Variants in TAB2 observed in about 807,000 individuals in gnomAD.
TAB2 encodes TGF-beta activated kinase 1 (MAP3K7) binding protein 2.
In TAB2, 3 loss-of-function variants were observed where a neutral mutation model predicts 65.0. That is an observed-to-expected ratio of 0.05 (90% CI 0.02 to 0.12). The LOEUF is 0.12. Ranked by LOEUF, TAB2 falls within the 10% of genes least tolerant of loss-of-function variation. The pLI is 1.00. For missense variants in TAB2, 623 were observed against 840.3 expected (o/e 0.74, Z 3.20); for synonymous variants, 298 against 285.1 (o/e 1.05, Z -0.46).
chr6:149,340,333 A>G (rs1300085707), intron 1 of TAB2, among the ~76,000 whole-genome samples: 1 of 152,224 alleles, frequency 6.6e-6, no homozygotes, highest in Non-Finnish European at 1.5e-5. Flanking sequence ...CCGGAAAAGA[A>G]GTTTTCAGAA....
In TAB2 at chr6:149,379,012, C is replaced by T. The variant is rs1395861852; in HGVS notation, c.1097C>T (p.Thr366Ile). The stretch of plus-strand genomic sequence containing the variant: ...CAGACCTTAAACAGAAATCAGCCCA[C>T]TGTTTACATAGCTGCCAGCCCCCCA... ...NSQTLNRNQP[T>I]VYIAASPPNT... The change falls in exon 3 of 7, where the codon ACT becomes ATT. Residue 366 changes from threonine (T) to isoleucine (I), a missense_variant. By Grantham distance (89) the Thr-to-Ile change is moderately conservative. This residue lies in a region of TAB2 where 550 missense variants were observed against 665.7 expected (regional missense o/e 0.83). Coordinates refer to ENST00000637181, the MANE Select transcript of TAB2 (RefSeq NM_001292034.3). 6.2e-7 allele frequency: 1 copy of T among 1,614,218 alleles called. No individual in the cohort carries two copies. Among genetic ancestry groups the T allele is most frequent in the South Asian group, 1.1e-5 (1 of 91,090 alleles).
intron 1 of TAB2, among the ~76,000 whole-genome samples, chr6:149,336,826 G>A (rs1287937175): frequency 6.6e-6 from 1 of 152,020 alleles, no homozygotes; most frequent in South Asian, 2.1e-4. Flanking sequence ...GGGGACTGCT[G>A]GGAAATAGAA....
At chr6:149,342,029 A>G (rs1780146418) in intron 1 of TAB2, among the ~76,000 whole-genome samples, 2 of 111,260 alleles carry the variant, frequency 1.8e-5, no homozygotes, top group Admixed American at 1.1e-4. Context: ...TTTGTTTTAT[A>G]TGGCCCTAAC....
At chr6:149,310,619 G>T (rs2114711710) in intron 1 of TAB2, among the ~76,000 whole-genome samples, 1 of 151,854 alleles carries the variant, frequency 6.6e-6, no homozygotes, top group Middle Eastern at 3.4e-3. Context: ...GAAGTCTTTT[G>T]TATGTTGATT....
chr6:149,401,195 T>G (rs1782396581), intron 6 of TAB2: 1 of 166,488 alleles, frequency 6.0e-6, no homozygotes, highest in Non-Finnish European at 1.5e-5. Context: ...GATAAATTAC[T>G]CTAAAAAAAA....
chr6:149,240,508 T>A (rs574175464), intron 1 of TAB2, among the ~76,000 whole-genome samples: 1 of 152,162 alleles, frequency 6.6e-6, no homozygotes, highest in African/African-American at 2.4e-5. Flanking sequence ...TAAGGTCAGG[T>A]GGATCAGAAT....
chr6:149,404,144 A>G (rs1259026629), intron 6 of TAB2, among the ~76,000 whole-genome samples: 1 of 152,208 alleles, frequency 6.6e-6, no homozygotes, highest in Non-Finnish European at 1.5e-5. Flanking sequence ...AGACACAAAA[A>G]CAATGTACAG....
At chr6:149,332,079 G>A (rs558565910) in intron 1 of TAB2, among the ~76,000 whole-genome samples, 3 of 152,098 alleles carry the variant, frequency 2.0e-5, no homozygotes, top group South Asian at 2.1e-4. Flanking sequence ...GATTTTTGGC[G>A]CAAGCAATTG....
rs1290211598 is a variant in TAB2, at chr6:149,411,231, GATA to G, written c.*1516_*1518del. 1.3e-5 allele frequency: 2 copies of G among 152,596 alleles called. No homozygotes were observed. Among genetic ancestry groups the G allele is most frequent in the South Asian group, 4.1e-4 (2 of 4,830 alleles). 9.5% of individuals were successfully genotyped at this position (152,596 alleles called of 1,614,324 possible). Reference sequence around the variant, plus strand: ...TGCTGAAATAGAGCAAAGGATGGAAGATAATATAGACTACCACCCACTGTAAAT... The same window carrying G: ...TGCTGAAATAGAGCAAAGGATGGAAGATATAGACTACCACCCACTGTAAAT... On this transcript the variant is annotated 3_prime_UTR_variant, in exon 7 of 7. Coordinates refer to ENST00000637181, the MANE Select transcript of TAB2 (RefSeq NM_001292034.3).
intron 1 of TAB2, among the ~76,000 whole-genome samples, chr6:149,320,746 T>G (rs1779424840): frequency 4.6e-5 from 7 of 152,324 alleles, no homozygotes; most frequent in Admixed American, 4.6e-4. Flanking sequence ...TTTTGCCTTG[T>G]TATAGATATT....
chr6:149,258,915 G>A (rs1295122228), intron 1 of TAB2, among the ~76,000 whole-genome samples: 1 of 152,214 alleles, frequency 6.6e-6, no homozygotes, highest in Non-Finnish European at 1.5e-5. Context: ...TGGTGTCAGA[G>A]TTATGGGATG....
At chr6:149,394,135 T>C (rs766276754) in intron 3 of TAB2, among the ~76,000 whole-genome samples, 1 of 152,192 alleles carries the variant, frequency 6.6e-6, no homozygotes, top group African/African-American at 2.4e-5. Context: ...TTCACTTGTT[T>C]CTTGGTGTGT....
chr6:149,350,742 G>C (rs1780463875), intron 1 of TAB2, among the ~76,000 whole-genome samples: 1 of 150,216 alleles, frequency 6.7e-6, no homozygotes, highest in East Asian at 2.0e-4. Flanking sequence ...AGCCTCCTGA[G>C]TAGCTGGGAC....
At chr6:149,393,419 A>G (rs1782061343) in intron 3 of TAB2, among the ~76,000 whole-genome samples, 1 of 152,206 alleles carries the variant, frequency 6.6e-6, no homozygotes, top group Non-Finnish European at 1.5e-5. Flanking sequence ...GTGAATTTCT[A>G]AGGATGCAAT....
intron 1 of TAB2, among the ~76,000 whole-genome samples, chr6:149,236,630 A>T (rs1301247366): frequency 3.3e-5 from 5 of 152,218 alleles, no homozygotes; most frequent in African/African-American, 1.2e-4. Context: ...AGTAATAGGA[A>T]TGTCTACCTT....
At chr6:149,392,815 G>C (rs978992774) in intron 3 of TAB2, among the ~76,000 whole-genome samples, 3 of 152,158 alleles carry the variant, frequency 2.0e-5, no homozygotes, top group Non-Finnish European at 4.4e-5. Context: ...AGGCTAATTA[G>C]AGCAAAAGTG....
At chr6:149,388,690 G>A (rs905226912) in intron 3 of TAB2, among the ~76,000 whole-genome samples, 6 of 151,938 alleles carry the variant, frequency 3.9e-5, no homozygotes, top group Admixed American at 1.3e-4. Flanking sequence ...ATTTAAATAC[G>A]ATTGAGGTTG....
intron 1 of TAB2, among the ~76,000 whole-genome samples, chr6:149,363,499 T>C (rs2114840140): frequency 1.3e-5 from 2 of 152,304 alleles, no homozygotes; most frequent in East Asian, 1.9e-4. Flanking sequence ...TCTTAAACAT[T>C]TTTTAAAGTT....
intron 3 of TAB2, among the ~76,000 whole-genome samples, chr6:149,394,214 G>A (rs1782091539): frequency 6.6e-6 from 1 of 151,654 alleles, no homozygotes. Flanking sequence ...GTCTGTCCAA[G>A]GAATTCTTTA....
Sources: allele counts gnomAD v4.1 joint callset (sites outside exome capture counted in the v4.1 genomes callset), GRCh38; gene constraint gnomAD v4.1.1; regional missense constraint gnomAD v4.1.1; transcripts MANE v1.5; gene names NCBI Gene and HGNC (gene_info 2026-07-23, HGNC 2026-07-21).